The following CDH18 variants were observed in gnomAD, a reference collection of about 807,000 sequenced individuals.
The protein encoded by CDH18 is cadherin 18.
A neutral mutation model predicts 67.9 loss-of-function variants in CDH18; 31 were observed. That is an observed-to-expected ratio of 0.46 (90% CI 0.34 to 0.62). The LOEUF is 0.62. CDH18 is among the 20% of genes least tolerant of loss of function. The pLI, the probability that CDH18 is intolerant of heterozygous loss-of-function variation, is 0.01. For synonymous variants in CDH18, 362 were observed against 347.2 expected (o/e 1.04, Z -0.48); for missense variants, 890 against 975.5 (o/e 0.91, Z 1.17).
intron 1 of CDH18, among the ~76,000 whole-genome samples, chr5:20,328,585 T>C (rs1415292687): frequency 6.6e-6 from 1 of 152,042 alleles, no homozygotes; most frequent in Non-Finnish European, 1.5e-5. Context: ...TAAAATATTA[T>C]TAGATATAAA....
intron 2 of CDH18, among the ~76,000 whole-genome samples, chr5:20,164,340 G>A (rs1736124128): frequency 6.6e-6 from 1 of 152,106 alleles, no homozygotes; most frequent in South Asian, 2.1e-4. Flanking sequence ...AGGCTGTAGT[G>A]CAGTGGTGTG....
chr5:20,555,437 T>C (rs1757852331), intron 1 of CDH18, among the ~76,000 whole-genome samples: 6 of 51,262 alleles, frequency 1.2e-4, no homozygotes, highest in African/African-American at 2.3e-4. Flanking sequence ...TTTTTTTTTT[T>C]TTTTTTTTTT....
intron 2 of CDH18, among the ~76,000 whole-genome samples, chr5:20,033,011 G>A (rs952659544): frequency 2.0e-5 from 3 of 151,846 alleles, no homozygotes; most frequent in South Asian, 2.1e-4. Flanking sequence ...GATATTGTGG[G>A]GGAAAAGGAA....
intron 3 of CDH18, among the ~76,000 whole-genome samples, chr5:19,797,212 A>AT (rs957042815): frequency 3.3e-5 from 5 of 151,512 alleles, no homozygotes; most frequent in South Asian, 2.1e-4. Flanking sequence ...TACCATGTAA[A>AT]TTTTTTTTTA....
intron 1 of CDH18, among the ~76,000 whole-genome samples, chr5:20,454,144 C>A (rs898638366): frequency 1.3e-5 from 2 of 152,136 alleles, no homozygotes; most frequent in East Asian, 3.9e-4. Context: ...GGCAATTTTT[C>A]TTTATGTTAT....
intron 2 of CDH18, among the ~76,000 whole-genome samples, chr5:20,222,699 C>G (rs1319934192): frequency 6.6e-6 from 1 of 150,900 alleles, no homozygotes; most frequent in African/African-American, 2.4e-5. Flanking sequence ...ATAGTGTGTA[C>G]GCCAACTATG....
chr5:19,882,764 C>T (rs1787789645), intron 2 of CDH18, among the ~76,000 whole-genome samples: 1 of 151,792 alleles, frequency 6.6e-6, no homozygotes, highest in South Asian at 2.1e-4. Flanking sequence ...AGAATTAATG[C>T]CCTAAGAGAA....
intron 2 of CDH18, among the ~76,000 whole-genome samples, chr5:20,178,502 GA>G (rs1161919515): frequency 0.016 from 2,183 of 137,586 alleles, 52 homozygotes; most frequent in African/African-American, 0.053. Context: ...TTCTAATTAA[GA>G]AAAAAAAAAA....
At chr5:20,005,430 A>AC (rs1736816112) in intron 2 of CDH18, among the ~76,000 whole-genome samples, 1 of 151,522 alleles carries the variant, frequency 6.6e-6, no homozygotes, top group Non-Finnish European at 1.5e-5. Flanking sequence ...ACACACACAC[A>AC]CACACACACA....
At chr5:19,931,709 A>G (rs1793714549) in intron 2 of CDH18, among the ~76,000 whole-genome samples, 1 of 151,864 alleles carries the variant, frequency 6.6e-6, no homozygotes, top group Admixed American at 6.6e-5. Flanking sequence ...GCAACAACTA[A>G]TATTTTCCTT....
intron 1 of CDH18, among the ~76,000 whole-genome samples, chr5:20,375,909 T>C (rs1281308182): frequency 6.6e-6 from 1 of 151,836 alleles, no homozygotes; most frequent in Non-Finnish European, 1.5e-5. Flanking sequence ...TCAACATCTA[T>C]AACTATATTC....
At chr5:20,516,650 CTTCT>C (rs1005061917) in intron 1 of CDH18, among the ~76,000 whole-genome samples, 15 of 151,824 alleles carry the variant, frequency 9.9e-5, no homozygotes, top group Non-Finnish European at 1.5e-4. Flanking sequence ...TAGGTTATGT[CTTCT>C]TTCTAATTTA....
intron 8 of CDH18, among the ~76,000 whole-genome samples, chr5:19,547,555 C>T (rs1264485856): frequency 6.6e-6 from 1 of 152,142 alleles, no homozygotes; most frequent in Admixed American, 6.5e-5. Flanking sequence ...TTTGCCAGAG[C>T]AATCTCCTCT....
intron 1 of CDH18, among the ~76,000 whole-genome samples, chr5:20,521,890 A>G (rs989040992): frequency 2.0e-5 from 3 of 152,182 alleles, no homozygotes; most frequent in Admixed American, 2.0e-4. Flanking sequence ...AAAACCTGAA[A>G]AAAAACCCTC....
chr5:19,572,223 C>T (rs886138355), intron 7 of CDH18, among the ~76,000 whole-genome samples: 4 of 152,092 alleles, frequency 2.6e-5, no homozygotes, highest in East Asian at 1.9e-4. Flanking sequence ...CTAAGATGAA[C>T]GGATGTAGTT....
At chr5:19,703,859 G>T (rs895767657) in intron 5 of CDH18, among the ~76,000 whole-genome samples, 2 of 152,158 alleles carry the variant, frequency 1.3e-5, no homozygotes, top group African/African-American at 4.8e-5. Flanking sequence ...GACTGTTAAA[G>T]AATGTTGCTG....
chr5:20,372,432 A>C (rs1743079398), intron 1 of CDH18, among the ~76,000 whole-genome samples: 1 of 152,292 alleles, frequency 6.6e-6, no homozygotes, highest in East Asian at 1.9e-4. Flanking sequence ...ACTTAATACT[A>C]GATCTTATCC....
At chr5:19,596,062 G>A (rs1746116077) in intron 6 of CDH18, among the ~76,000 whole-genome samples, 1 of 152,180 alleles carries the variant, frequency 6.6e-6, no homozygotes, top group Non-Finnish European at 1.5e-5. Flanking sequence ...ACAGTTGATT[G>A]GTGAAGGGTA....
chr5:19,529,030 G>T (rs956725544), intron 9 of CDH18, among the ~76,000 whole-genome samples: 3 of 151,632 alleles, frequency 2.0e-5, no homozygotes, highest in Admixed American at 2.0e-4. Flanking sequence ...AAACTGGCCT[G>T]CCATCACAAA....
Sources: allele counts gnomAD v4.1 joint callset (sites outside exome capture counted in the v4.1 genomes callset), GRCh38; gene constraint gnomAD v4.1.1; transcripts MANE v1.5; gene names NCBI Gene and HGNC (gene_info 2026-07-23, HGNC 2026-07-21).